SORCS2: variants seen among roughly 807,000 people sequenced by gnomAD.
The protein encoded by SORCS2 is sortilin related VPS10 domain containing receptor 2.
SORCS2 carries 100 observed loss-of-function variants against 141.6 expected under a neutral mutation model. The ratio of observed to expected loss-of-function variants is 0.71; its 90% confidence interval spans 0.60 to 0.83. The LOEUF (loss-of-function observed/expected upper bound fraction) is 0.83. Ranked by LOEUF, SORCS2 falls within the 40% of genes least tolerant of loss-of-function variation. The pLI is 0.00. For synonymous variants in SORCS2, 789 were observed against 676.9 expected (o/e 1.17, Z -2.57); for missense variants, 1,646 against 1,560.2 (o/e 1.05, Z -0.93).
chr4:7,382,232 A>T (rs1210093204), intron 1 of SORCS2, among the ~76,000 whole-genome samples: 2 of 152,114 alleles, frequency 1.3e-5, no homozygotes, highest in Non-Finnish European at 2.9e-5. Context: ...TTGGTCTCCA[A>T]AGGTCTTGAC....
intron 1 of SORCS2, among the ~76,000 whole-genome samples, chr4:7,253,052 C>T (rs1488232319): frequency 6.6e-6 from 1 of 152,264 alleles, no homozygotes; most frequent in Non-Finnish European, 1.5e-5. Flanking sequence ...CTGAATCCCC[C>T]AGCTGGGCTC....
chr4:7,325,434 G>C (rs896836180), intron 1 of SORCS2, among the ~76,000 whole-genome samples: 1 of 152,188 alleles, frequency 6.6e-6, no homozygotes, highest in Non-Finnish European at 1.5e-5. Flanking sequence ...AGGCAAGAAG[G>C]AACAGCTGGA....
At chr4:7,378,143 G>A (rs1489837700) in intron 1 of SORCS2, among the ~76,000 whole-genome samples, 1 of 152,196 alleles carries the variant, frequency 6.6e-6, no homozygotes, top group African/African-American at 2.4e-5. Flanking sequence ...CAGATGGGGT[G>A]GGTAGGCTTG....
intron 1 of SORCS2, among the ~76,000 whole-genome samples, chr4:7,255,245 C>T (rs543534177): frequency 2.6e-5 from 4 of 151,968 alleles, no homozygotes; most frequent in African/African-American, 4.8e-5. Context: ...GGGCAGTTTC[C>T]GTGGGCCTTG....
At chr4:7,596,804 C>A (rs1268394282) in intron 3 of SORCS2, among the ~76,000 whole-genome samples, 1 of 151,998 alleles carries the variant, frequency 6.6e-6, no homozygotes, top group Non-Finnish European at 1.5e-5. Flanking sequence ...GGAAATGGAG[C>A]CTAGGAGGGG....
intron 1 of SORCS2, among the ~76,000 whole-genome samples, chr4:7,288,480 G>A (rs897545788): frequency 2.0e-5 from 3 of 147,390 alleles, no homozygotes; most frequent in Non-Finnish European, 4.5e-5. Flanking sequence ...ATCAGGGAGA[G>A]GCAGAACTGG....
At chr4:7,529,718 T>A (rs189539827) in intron 2 of SORCS2, among the ~76,000 whole-genome samples, 25 of 152,290 alleles carry the variant, frequency 1.6e-4, no homozygotes, top group African/African-American at 5.1e-4. Flanking sequence ...GGCCTTGGAA[T>A]TTTCTGGGTC....
At chr4:7,515,074 G>T (rs1732889923) in intron 2 of SORCS2, among the ~76,000 whole-genome samples, 1 of 152,188 alleles carries the variant, frequency 6.6e-6, no homozygotes, top group East Asian at 1.9e-4. Context: ...CTGCTTCTGG[G>T]AGGGATGGGC....
intron 2 of SORCS2, among the ~76,000 whole-genome samples, chr4:7,500,138 G>A (rs536225723): frequency 1.3e-5 from 2 of 152,070 alleles, no homozygotes; most frequent in Admixed American, 6.5e-5. Context: ...ACCATCACCC[G>A]GAGCACACCC....
chr4:7,616,342 C>T (rs1378635453), intron 3 of SORCS2, among the ~76,000 whole-genome samples: 1 of 152,150 alleles, frequency 6.6e-6, no homozygotes, highest in Non-Finnish European at 1.5e-5. Flanking sequence ...ATTCACCCAT[C>T]CACCATCCAC....
chr4:7,629,879 C>T (rs1436325585), intron 3 of SORCS2, among the ~76,000 whole-genome samples: 1 of 152,138 alleles, frequency 6.6e-6, no homozygotes, highest in Non-Finnish European at 1.5e-5. Context: ...GCGCTGTCGG[C>T]CACCCTTTGA....
At chr4:7,357,556 C>CA in intron 1 of SORCS2, among the ~76,000 whole-genome samples, 1 of 152,244 alleles carries the variant, frequency 6.6e-6, no homozygotes, top group East Asian at 1.9e-4. Context: ...TAATCTTCAA[C>CA]AGTGCTAATT....
At position 7,648,088 on chromosome 4, in the gene SORCS2, C is replaced by G. The variant is rs996401990; in HGVS notation, c.814-6046C>G. 6.6e-6 allele frequency among the ~76,000 whole-genome samples: 1 copy of G among 151,748 alleles called. No homozygotes were observed. The highest frequency in any genetic ancestry group is 2.4e-5 in the African/African-American group (1 of 41,266). ...AATGGGGTGCCGGCCCCTGAGGGCT[C>G]TGCTTACGGTGGGGCAGGTGGGGTG... On this transcript the variant is annotated intron_variant, in intron 4 of 26. Transcript: ENST00000507866. This position sits in a 1 kb window ranked among gnomAD's most constrained non-coding sequence, Gnocchi z 4.2.
intron 2 of SORCS2, among the ~76,000 whole-genome samples, chr4:7,396,635 C>G (rs539205493): frequency 6.6e-6 from 1 of 152,126 alleles, no homozygotes; most frequent in African/African-American, 2.4e-5. Context: ...TTTTTTCCTC[C>G]CCGGAGGAGG....
At chr4:7,450,271 G>A (rs940221391) in intron 2 of SORCS2, among the ~76,000 whole-genome samples, 6 of 152,202 alleles carry the variant, frequency 3.9e-5, no homozygotes, top group African/African-American at 1.4e-4. Flanking sequence ...GGAGTGACAC[G>A]GTGTGTGACC....
chr4:7,413,590 A>G (rs1176073800), intron 2 of SORCS2, among the ~76,000 whole-genome samples: 2 of 151,864 alleles, frequency 1.3e-5, no homozygotes, highest in Admixed American at 6.6e-5. Flanking sequence ...GTTTTGCCAC[A>G]TTGGCAAGGA....
intron 1 of SORCS2, among the ~76,000 whole-genome samples, chr4:7,228,461 C>T (rs1711572459): frequency 6.6e-6 from 1 of 152,186 alleles, no homozygotes; most frequent in Non-Finnish European, 1.5e-5. Flanking sequence ...GGTGCGGATT[C>T]CCTCTCCAGT....
At chr4:7,501,521 C>CTG (rs58630398) in intron 2 of SORCS2, among the ~76,000 whole-genome samples, 111,964 of 151,858 alleles carry the variant, frequency 0.74, 41,673 homozygotes, top group East Asian at 0.99. Context: ...GCGCTGGTAA[C>CTG]AGAATGGGCC....
At chr4:7,313,601 G>A (rs1021510623) in intron 1 of SORCS2, among the ~76,000 whole-genome samples, 2 of 152,186 alleles carry the variant, frequency 1.3e-5, no homozygotes, top group African/African-American at 4.8e-5. Flanking sequence ...GATTGTGGAA[G>A]GGCCATAGAT....
Sources: allele counts gnomAD v4.1 joint callset (sites outside exome capture counted in the v4.1 genomes callset), GRCh38; gene constraint gnomAD v4.1.1; non-coding constraint Gnocchi (gnomAD v3.1); transcripts MANE v1.5; gene names NCBI Gene and HGNC (gene_info 2026-07-23, HGNC 2026-07-21).